The following DNAH10 variants were observed in gnomAD, a reference collection of about 807,000 sequenced individuals.
DNAH10 encodes axonemal beta dynein heavy chain 10.
Under a neutral mutation model 506.6 loss-of-function variants are expected in DNAH10, and 348 were observed. The ratio of observed to expected loss-of-function variants is 0.69; its 90% CI spans 0.63 to 0.75. The LOEUF is 0.75. Among genes scored for constraint, DNAH10 ranks in the 30% least tolerant of loss-of-function variants. The pLI is 0.00. For missense variants in DNAH10, 5,179 were observed against 5,787.1 expected, an observed-to-expected ratio of 0.89 and a Z score of 3.41; for synonymous variants, 2,059 against 2,198.6, an observed-to-expected ratio of 0.94 and a Z score of 1.78.
rs1301394634 is a variant in DNAH10, at chr12:123,929,770, C to T, written c.12612+11C>T. The T allele has an allele frequency of 6.2e-7, 1 of 1,607,022 alleles. No homozygotes were observed. Among genetic ancestry groups the T allele is most frequent in the Admixed American group, 1.7e-5 (1 of 59,320 alleles). On this transcript the variant is annotated intron_variant, in intron 72 of 78. Coordinates refer to ENST00000673944, the MANE Select transcript of DNAH10 (RefSeq NM_001372106.1). ...TACCTAATTGGAGAGGTAGGGGTGA[C>T]CGGGGATCCTTCCGCAGGTGCCTCT...
chr12:123,849,065 G>A (rs1385467793), intron 34 of DNAH10, among the ~76,000 whole-genome samples, 183 bp downstream of exon 34: 1 of 152,132 alleles, frequency 6.6e-6, no homozygotes, highest in East Asian at 1.9e-4. Context: ...TTGATGATAA[G>A]GTTTGTAATA....
intron 52 of DNAH10, among the ~76,000 whole-genome samples, chr12:123,891,403 C>T (rs1338108128): frequency 6.6e-6 from 1 of 152,140 alleles, no homozygotes; most frequent in African/African-American, 2.4e-5. Flanking sequence ...CAACTTCAAC[C>T]GTAATACATA....
chr12:123,889,850 G>A (rs1952899087), intron 52 of DNAH10, among the ~76,000 whole-genome samples: 1 of 152,178 alleles, frequency 6.6e-6, no homozygotes, highest in African/African-American at 2.4e-5. Flanking sequence ...GGGACACTCT[G>A]TTTCCCTGTC....
Position 123,779,433 on chromosome 12 carries a change from G to T in DNAH10, c.622-1647G>T, listed in dbSNP as rs530038111. 2.0e-5 allele frequency among the ~76,000 whole-genome samples: 3 copies of T among 152,264 alleles called. No individual in the cohort carries two copies. The South Asian group carries it at 6.2e-4, about 32-fold the overall frequency. On this transcript the variant is annotated intron_variant, in intron 5 of 78. Coordinates refer to ENST00000673944, the MANE Select transcript of DNAH10 (RefSeq NM_001372106.1). ...ACCACTGTACTATTTCAAAAATTGGGCAAATAAAGAGGAGTCAAGCATTTA... is the reference window on the plus strand; with the variant it reads ...ACCACTGTACTATTTCAAAAATTGGTCAAATAAAGAGGAGTCAAGCATTTA...
chr12:123,828,492 G>GA (rs773374349), intron 25 of DNAH10, among the ~76,000 whole-genome samples: 1 of 152,148 alleles, frequency 6.6e-6, no homozygotes, highest in Non-Finnish European at 1.5e-5. Context: ...GCTTATCTGG[G>GA]AGGGAGAGTT....
At chr12:123,818,568 C>T (rs1406199019) in intron 21 of DNAH10, among the ~76,000 whole-genome samples, 1 of 152,212 alleles carries the variant, frequency 6.6e-6, no homozygotes. Context: ...AGGTGACCCA[C>T]CCGCCTCAGC....
chr12:123,915,478 A>G (rs1954434113), intron 62 of DNAH10, among the ~76,000 whole-genome samples: 1 of 152,062 alleles, frequency 6.6e-6, no homozygotes, highest in Non-Finnish European at 1.5e-5. Context: ...CATTTTTATT[A>G]TCCCTGGAAG....
intron 6 of DNAH10, among the ~76,000 whole-genome samples, chr12:123,781,629 C>G (rs1456847512): frequency 6.6e-6 from 1 of 152,084 alleles, no homozygotes; most frequent in Non-Finnish European, 1.5e-5. Flanking sequence ...CCACACCTAG[C>G]TAATTTTTGT....
intron 11 of DNAH10, 37 bp from the exon 12 acceptor site, chr12:123,793,905 C>G: frequency 8.9e-7 from 1 of 1,121,830 alleles, no homozygotes; most frequent in Non-Finnish European, 1.1e-6. Context: ...AGGATAATTA[C>G]AGGGGCATGA....
Position 123,903,097 on chromosome 12 carries a change from G to A in DNAH10, c.9799G>A (p.Asp3267Asn), listed in dbSNP as rs896497960. ...KLELQKLDKSDVTEIRSFAKP... is the reference protein window; with the variant it reads ...KLELQKLDKSNVTEIRSFAKP... Reference sequence around the variant, plus strand: ...GGAACTGCAGAAGCTGGACAAGTCGGACGTGACTGAGATTAGGTAATGCAC... The same window carrying A: ...GGAACTGCAGAAGCTGGACAAGTCGAACGTGACTGAGATTAGGTAATGCAC... The change falls in exon 57 of 79, where the codon GAC becomes AAC. Residue 3267 changes from aspartate to asparagine, a missense_variant. This residue lies in a region of DNAH10 where 4,844 missense variants were observed against 5,430.5 expected (regional missense o/e 0.89). Transcript: ENST00000673944. The surrounding 1 kb of genome is among the most constrained non-coding windows in gnomAD (Gnocchi z 4.6). The A allele has an allele frequency of 3.7e-6, 6 of 1,610,338 alleles. No homozygotes were observed. Among genetic ancestry groups the A allele is most frequent in the Non-Finnish European group, 4.2e-6 (5 of 1,178,526 alleles).
chr12:123,781,074 T>G lies in DNAH10; in HGVS notation c.622-6T>G. ...TATGATGTATTTCATAAAATTGGCA[T>G]TTCAGGTTTTTTTGCCAGCATTGTC... On this transcript the variant is annotated splice_polypyrimidine_tract_variant and splice_region_variant and intron_variant, in intron 5 of 78. Coordinates refer to ENST00000673944, the MANE Select transcript of DNAH10 (RefSeq NM_001372106.1). 6.3e-7 allele frequency: 1 copy of G among 1,589,756 alleles called. No homozygotes were observed.
chr12:123,837,151 G>A (rs116330047), intron 28 of DNAH10, among the ~76,000 whole-genome samples: 6,576 of 147,048 alleles, frequency 0.045, 181 homozygotes, highest in Middle Eastern at 0.086. Flanking sequence ...GTGCCCAGCC[G>A]GTGAAACTCC....
At chr12:123,829,973 C>T (rs76431055) in intron 25 of DNAH10, among the ~76,000 whole-genome samples, 3,207 of 152,314 alleles carry the variant, frequency 0.021, 39 homozygotes, top group Middle Eastern at 0.041. Context: ...TGGGCCCCTT[C>T]ATACCTCCTC....
chr12:123,842,269 T>C (rs1950801939), intron 30 of DNAH10, among the ~76,000 whole-genome samples: 1 of 152,250 alleles, frequency 6.6e-6, no homozygotes, highest in Non-Finnish European at 1.5e-5. Context: ...TGGGATTATG[T>C]GTATGTAACG....
At chr12:123,784,768 C>A (rs779883938) in intron 8 of DNAH10, among the ~76,000 whole-genome samples, 1 of 152,200 alleles carries the variant, frequency 6.6e-6, no homozygotes, top group Non-Finnish European at 1.5e-5. Context: ...CTGGTAACTT[C>A]TGTTCTGCTT....
chr12:123,791,302 T>C (rs1212109807), intron 11 of DNAH10, among the ~76,000 whole-genome samples: 1 of 152,176 alleles, frequency 6.6e-6, no homozygotes, highest in African/African-American at 2.4e-5. Flanking sequence ...AGAGAGAGGC[T>C]GCAGCTGAGA....
intron 54 of DNAH10, 104 bp from the exon 55 acceptor site, chr12:123,897,666 A>G (rs1953315771): frequency 4.1e-6 from 5 of 1,215,792 alleles, no homozygotes; most frequent in Non-Finnish European, 4.6e-6. Context: ...TGGAGGCTGC[A>G]GTGAGCCATG....
chr12:123,884,010 TCTC>T (rs773825406), intron 51 of DNAH10, among the ~76,000 whole-genome samples: 3 of 152,068 alleles, frequency 2.0e-5, no homozygotes, highest in African/African-American at 4.8e-5. Context: ...TCATGACTCT[TCTC>T]CTCCTGGCAA....
chr12:123,904,677 G>C (rs1305700420), intron 57 of DNAH10, among the ~76,000 whole-genome samples: 2 of 152,152 alleles, frequency 1.3e-5, no homozygotes, highest in Admixed American at 6.5e-5. Context: ...CCTCTTTGCT[G>C]TGTGACGTTT....
Sources: gnomAD v4.1 joint callset for allele counts (sites outside exome capture counted in the v4.1 genomes callset) on GRCh38, gnomAD v4.1.1 for gene constraint, gnomAD v4.1.1 regional missense constraint, Gnocchi (gnomAD v3.1) non-coding constraint, MANE v1.5 for transcripts, NCBI Gene and HGNC (gene_info 2026-07-23, HGNC 2026-07-21) for gene names.